Variants in TNFAIP6 observed in about 807,000 individuals in gnomAD.
TNFAIP6 encodes the protein TNF alpha induced protein 6, also known as tumor necrosis factor-inducible gene 6 protein.
Under a neutral mutation model 33.7 loss-of-function variants are expected in TNFAIP6, and 36 were observed. That is an observed-to-expected ratio of 1.07 (90% confidence interval 0.82 to 1.41). The LOEUF is 1.41. Ranked by LOEUF, TNFAIP6 falls within the 40% of genes most tolerant of loss-of-function variation. TNFAIP6 has a pLI of 0.00. For missense variants in TNFAIP6, 273 were observed against 331.9 expected, an observed-to-expected ratio of 0.82 and a Z score of 1.38; for synonymous variants, 113 against 112.8, an observed-to-expected ratio of 1.00 and a Z score of -0.01.
Position 151,370,158 on chromosome 2 carries a change from T to C in TNFAIP6, c.533T>C (p.Leu178Ser), listed in dbSNP as rs1472041501. The stretch of plus-strand genomic sequence containing the variant: ...GGTCAGCGTATTCACCTGAGTTTTT[T>C]AGATTTTGACCTTGAAGATGACCCA... ...KYGQRIHLSF[L>S]DFDLEDDPGC... Residue 178 changes from leucine (L) to serine (S), a missense_variant, in exon 4 of 6, where the codon TTA (leucine) becomes TCA (serine). Leu to Ser is a moderately radical substitution (Grantham distance 145). Coordinates refer to ENST00000243347, the MANE Select transcript of TNFAIP6 (RefSeq NM_007115.4). 7 of 1,614,060 alleles carry C rather than the reference T, an allele frequency of 4.3e-6. No individual in the cohort carries two copies. The Admixed American group carries it at 1.0e-4, about 23-fold the overall frequency.
chr2:151,358,933 T>C (rs917549227), intron 1 of TNFAIP6, among the ~76,000 whole-genome samples: 1 of 152,224 alleles, frequency 6.6e-6, no homozygotes, highest in African/African-American at 2.4e-5. Context: ...CAGGATTTTT[T>C]TTAAATGTCA....
At chr2:151,364,473 T>G (rs1293630175) in intron 2 of TNFAIP6, among the ~76,000 whole-genome samples, 5 of 152,230 alleles carry the variant, frequency 3.3e-5, no homozygotes, top group Admixed American at 6.5e-5. Context: ...TACAAGGAAA[T>G]TTACTTGGTA....
At chr2:151,365,903 G>C (rs1272972597) in intron 2 of TNFAIP6, among the ~76,000 whole-genome samples, 153 bp from the exon 3 acceptor site, 1 of 152,076 alleles carries the variant, frequency 6.6e-6, no homozygotes. Context: ...TTCACACTTT[G>C]TCTAATTAAG....
chr2:151,380,580 G>C (rs1486367922), downstream of TNFAIP6, among the ~76,000 whole-genome samples: 1 of 152,196 alleles, frequency 6.6e-6, no homozygotes, highest in Non-Finnish European at 1.5e-5. Flanking sequence ...CTGATGAGCT[G>C]AGCAGAGGAC....
intron 4 of TNFAIP6, among the ~76,000 whole-genome samples, chr2:151,371,802 C>G (rs1403973866): frequency 1.3e-5 from 2 of 152,088 alleles, no homozygotes; most frequent in Non-Finnish European, 2.9e-5. Flanking sequence ...ACCATGTTGG[C>G]CAGGCTGGTC....
At chr2:151,374,045 C>G (rs1684858346) in intron 5 of TNFAIP6, among the ~76,000 whole-genome samples, 1 of 152,084 alleles carries the variant, frequency 6.6e-6, no homozygotes, top group Non-Finnish European at 1.5e-5. Context: ...TAACAAAGTT[C>G]TGTGAGATTT....
chr2:151,359,111 C>T (rs944858411), intron 1 of TNFAIP6, among the ~76,000 whole-genome samples: 6 of 152,080 alleles, frequency 3.9e-5, no homozygotes, highest in African/African-American at 9.7e-5. Context: ...CAAATTCAAA[C>T]GTCTATTAAT....
chr2:151,378,180 G>C (rs1302532320), intron 5 of TNFAIP6, among the ~76,000 whole-genome samples: 1 of 152,100 alleles, frequency 6.6e-6, no homozygotes. Flanking sequence ...GGGCAACATA[G>C]TGAGATCCTG....
intron 2 of TNFAIP6, 59 bp downstream of exon 2, chr2:151,364,139 T>C: frequency 2.5e-6 from 4 of 1,574,534 alleles, no homozygotes; most frequent in Non-Finnish European, 3.5e-6. Context: ...AAAATCCATC[T>C]TTCCTAAGCC....
At chr2:151,358,935 T>A (rs945156251) in intron 1 of TNFAIP6, among the ~76,000 whole-genome samples, 14 of 152,230 alleles carry the variant, frequency 9.2e-5, no homozygotes, top group African/African-American at 2.2e-4. Flanking sequence ...GGATTTTTTT[T>A]AAATGTCATA....
At chr2:151,367,277 C>T (rs1490315181) in intron 3 of TNFAIP6, among the ~76,000 whole-genome samples, 4 of 152,148 alleles carry the variant, frequency 2.6e-5, no homozygotes, top group African/African-American at 9.7e-5. Context: ...AAATACTTAA[C>T]AGTGCATTTA....
chr2:151,372,173 G>A (rs572599292), intron 4 of TNFAIP6: 1 of 152,324 alleles, frequency 6.6e-6, no homozygotes, highest in African/African-American at 2.4e-5. Context: ...AAGGAGGGGT[G>A]AACCTGCCCA....
At chr2:151,363,106 A>G (rs776957656) in intron 1 of TNFAIP6, among the ~76,000 whole-genome samples, 80 of 152,042 alleles carry the variant, frequency 5.3e-4, no homozygotes, top group Admixed American at 1.3e-3. Flanking sequence ...ACTTGAGGTC[A>G]GGAGTTCAAG....
Position 151,373,564 on chromosome 2 carries a change from G to T in TNFAIP6, c.639G>T (p.Glu213Asp). The T allele has an allele frequency of 6.4e-7, 1 of 1,552,636 alleles. No individual in the cohort carries two copies. Among genetic ancestry groups the T allele is most frequent in the Non-Finnish European group, 8.7e-7 (1 of 1,144,866 alleles). The change falls in exon 5 of 6, where the codon GAG becomes GAT. Residue 213 changes from glutamate (E) to aspartate (D), a missense_variant. By Grantham distance (45) the Glu-to-Asp change is conservative. Coordinates refer to ENST00000243347, the MANE Select transcript of TNFAIP6 (RefSeq NM_007115.4). ...TCCTTTTCAGATACTGTGGAGATGA[G>T]CTTCCAGATGACATCATCAGTACAG... is the stretch of plus-strand genomic sequence containing the variant. ...HGFVGRYCGDELPDDIISTGN... is the reference protein window; with the variant it reads ...HGFVGRYCGDDLPDDIISTGN...
intron 5 of TNFAIP6, among the ~76,000 whole-genome samples, chr2:151,377,600 C>A (rs1684937434): frequency 6.6e-6 from 1 of 151,344 alleles, no homozygotes; most frequent in Non-Finnish European, 1.5e-5. Flanking sequence ...AAAAAAGTAT[C>A]ATTAATAATC....
At chr2:151,362,480 CTTTTTTTTTTT>C (rs34640251) in intron 1 of TNFAIP6, among the ~76,000 whole-genome samples, 13 of 56,942 alleles carry the variant, frequency 2.3e-4, no homozygotes, top group Admixed American at 6.9e-4. Context: ...TTACTAAATT[CTTTTTTTTTTT>C]TTTTTTTTTT....
intron 4 of TNFAIP6, 41 bp from the exon 5 acceptor site, chr2:151,373,508 T>C (rs758047448): frequency 1.5e-6 from 2 of 1,339,434 alleles, no homozygotes; most frequent in Non-Finnish European, 2.1e-6. Flanking sequence ...CTGTATAATA[T>C]TCATTTGTGT....
At chr2:151,368,572 T>C (rs1007424814) in intron 3 of TNFAIP6, among the ~76,000 whole-genome samples, 1 of 151,826 alleles carries the variant, frequency 6.6e-6, no homozygotes, top group African/African-American at 2.4e-5. Flanking sequence ...ATTTATAACA[T>C]ATTGAAATCT....
chr2:151,373,976 T>C lies in TNFAIP6; in HGVS notation c.664+387T>C, dbSNP rs1341298527. 2.6e-5 allele frequency among the ~76,000 whole-genome samples: 4 copies of C among 152,314 alleles called. No individual in the cohort carries two copies. The East Asian group carries it at 5.8e-4, about 22-fold the overall frequency. On this transcript the variant is annotated intron_variant, in intron 5 of 5. Transcript: ENST00000243347. ...AAAAATCTTTGTCACTAAAACAATC[T>C]TACATCATATTCATTACATTTTTAT...
Sources: gnomAD v4.1 joint callset for allele counts (sites outside exome capture counted in the v4.1 genomes callset) on GRCh38, gnomAD v4.1.1 for gene constraint, MANE v1.5 for transcripts, NCBI Gene and HGNC (gene_info 2026-07-23, HGNC 2026-07-21) for gene names.